Variants in ELOVL4 observed in about 807,000 individuals in gnomAD.
The protein encoded by ELOVL4 is ELOVL fatty acid elongase 4, also known as very long chain fatty acid elongase 4.
Under a neutral mutation model 42.1 loss-of-function variants are expected in ELOVL4, and 18 were observed. The ratio of observed to expected loss-of-function variants is 0.43; its 90% CI spans 0.30 to 0.63. The LOEUF is 0.63. Among genes scored for constraint, ELOVL4 ranks in the 30% least tolerant of loss-of-function variants. ELOVL4 has a pLI of 0.15. For synonymous variants in ELOVL4, 117 were observed against 127.0 expected, an observed-to-expected ratio of 0.92 and a Z score of 0.53; for missense variants, 299 against 376.2, an observed-to-expected ratio of 0.79 and a Z score of 1.70.
At chr6:79,943,126 GA>G (rs902083916) in intron 1 of ELOVL4, among the ~76,000 whole-genome samples, 3 of 151,892 alleles carry the variant, frequency 2.0e-5, no homozygotes, top group Non-Finnish European at 4.4e-5. Flanking sequence ...ACCTATTTTA[GA>G]TAATAACATA....
intron 2 of ELOVL4, among the ~76,000 whole-genome samples, chr6:79,925,384 C>G (rs1321867059): frequency 6.6e-6 from 1 of 152,136 alleles, no homozygotes; most frequent in Non-Finnish European, 1.5e-5. Context: ...TTGCATCTAA[C>G]AAATTAGGTA....
rs1195059234 is a variant in ELOVL4, at chr6:79,916,728, T to A, written c.825A>T (p.Lys275Asn). 1 of 1,614,208 alleles carries A rather than the reference T, an allele frequency of 6.2e-7. No individual in the cohort carries two copies. The highest frequency in any genetic ancestry group is 1.1e-5 in the South Asian group (1 of 91,080). Residue 275 changes from lysine to asparagine, a missense_variant, in exon 6 of 6, where the codon AAA (lysine) becomes AAT (asparagine). Lys to Asn is a moderately conservative substitution (Grantham distance 94). Transcript: ENST00000369816. ...FYIRTYKEPK[K>N]PKAGKTAMNG... ...TCATGGCTGTTTTTCCAGCTTTTGGTTTCTTAGGCTCTTTGTATGTCCGAA... is the reference window on the plus strand; with the variant it reads ...TCATGGCTGTTTTTCCAGCTTTTGGATTCTTAGGCTCTTTGTATGTCCGAA...
chr6:79,924,547 T>C (rs2127699040), intron 3 of ELOVL4, among the ~76,000 whole-genome samples: 1 of 152,236 alleles, frequency 6.6e-6, no homozygotes, highest in East Asian at 1.9e-4. Flanking sequence ...CATATTAAAG[T>C]ACATTTTGCC....
In ELOVL4 at chr6:79,916,578, C is replaced by T. The variant is rs771488579; in HGVS notation, c.*30G>A. ...TATATGATATGGGAGTTTTTCCTCA[C>T]TGTCAACAACAGTTAAGGCCCAGTT... On this transcript the variant is annotated 3_prime_UTR_variant, in exon 6 of 6. Coordinates refer to ENST00000369816, the MANE Select transcript of ELOVL4 (RefSeq NM_022726.4). 1 of 1,612,498 alleles carries T rather than the reference C, an allele frequency of 6.2e-7. No individual in the cohort carries two copies. Among genetic ancestry groups the T allele is most frequent in the Admixed American group, 1.7e-5 (1 of 60,010 alleles).
Position 79,922,922 on chromosome 6 carries a change from T to G in ELOVL4, c.370-1126A>C, listed in dbSNP as rs142163358. The stretch of plus-strand genomic sequence containing the variant: ...TTGAAAAATATCATTAAAAATGATA[T>G]GAATTGGTTGAAAATAAGCTTGAAA... On this transcript the variant is annotated intron_variant, in intron 3 of 5. Coordinates refer to ENST00000369816, the MANE Select transcript of ELOVL4 (RefSeq NM_022726.4). 5.7e-3 allele frequency among the ~76,000 whole-genome samples: 871 copies of G among 152,322 alleles called. 5 individuals are homozygous for G. The highest frequency in any genetic ancestry group is 0.02 in the African/African-American group (838 of 41,574).
chr6:79,916,929 A>T lies in ELOVL4; in HGVS notation c.670-46T>A, dbSNP rs889131266. 1.9e-6 allele frequency: 3 copies of T among 1,608,258 alleles called. No homozygotes were observed. In the African/African-American group the frequency reaches 4.0e-5, roughly 22 times the overall value. ...CACAAAACATTTAATCTGAATAGTA[A>T]ACAACTTTTAACAACATCGGCATCT... On this transcript the variant is annotated intron_variant, in intron 5 of 5. Coordinates refer to ENST00000369816, the MANE Select transcript of ELOVL4 (RefSeq NM_022726.4).
At chr6:79,917,123 C>A (rs542827157) in intron 5 of ELOVL4, among the ~76,000 whole-genome samples, 1 of 139,140 alleles carries the variant, frequency 7.2e-6, no homozygotes, top group Non-Finnish European at 1.5e-5. Context: ...AACCAAAGAG[C>A]TTTCTGCATT....
At chr6:79,945,407 T>TTG (rs1351987910) in intron 1 of ELOVL4, among the ~76,000 whole-genome samples, 3 of 152,130 alleles carry the variant, frequency 2.0e-5, no homozygotes, top group African/African-American at 7.2e-5. Context: ...CCTGTTTCAT[T>TTG]TGTGTGTGTG....
At chr6:79,928,230 T>C (rs1561986298) in intron 1 of ELOVL4, among the ~76,000 whole-genome samples, 1 of 152,140 alleles carries the variant, frequency 6.6e-6, no homozygotes. Flanking sequence ...CCACCAACTT[T>C]AAGGCAGGCG....
At chr6:79,935,721 G>A (rs556908552) in intron 1 of ELOVL4, among the ~76,000 whole-genome samples, 1 of 152,172 alleles carries the variant, frequency 6.6e-6, no homozygotes, top group Non-Finnish European at 1.5e-5. Flanking sequence ...CAAAATTCCT[G>A]TTAGGATAAA....
intron 1 of ELOVL4, among the ~76,000 whole-genome samples, chr6:79,939,398 T>G (rs1309911234): frequency 1.3e-5 from 2 of 152,126 alleles, no homozygotes; most frequent in Non-Finnish European, 2.9e-5. Flanking sequence ...AACTTTTCTA[T>G]CTTGAAAAAC....
rs1234596455 is a variant in ELOVL4, at chr6:79,926,334, G to A, written c.148C>T (p.Leu50=). 3.7e-6 allele frequency: 6 copies of A among 1,614,030 alleles called. No individual in the cohort carries two copies. In the Admixed American group the frequency reaches 1.0e-4, roughly 27 times the overall value. Residue 50 remains leucine, a synonymous_variant, in exon 2 of 6, where the codon CTA becomes TTA. Coordinates refer to ENST00000369816, the MANE Select transcript of ELOVL4 (RefSeq NM_022726.4). The part of the protein sequence containing the change: ...WPLMQSPWPT[L]SISTLYLLFV... ...AGGAGATAAAGAGTGCTTATACTTAGTGTAGGCCAAGGAGACTGCATCAGA... is the reference window on the plus strand; with the variant it reads ...AGGAGATAAAGAGTGCTTATACTTAATGTAGGCCAAGGAGACTGCATCAGA...
Position 79,947,282 on chromosome 6 carries a change from C to A in ELOVL4, c.-3G>T. On this transcript the variant is annotated 5_prime_UTR_variant, in exon 1 of 6. Coordinates refer to ENST00000369816, the MANE Select transcript of ELOVL4 (RefSeq NM_022726.4). ...GGCTCCGAGTCCAGGAGCCCCATCG[C>A]GGCGATGAGCGGGCGCTGGCGGCAG... is the stretch of plus-strand genomic sequence containing the variant. 1.9e-6 allele frequency: 3 copies of A among 1,609,980 alleles called. No homozygotes were observed. Among genetic ancestry groups the A allele is most frequent in the Non-Finnish European group, 2.5e-6 (3 of 1,177,570 alleles).
At chr6:79,922,276 C>T (rs1478596509) in intron 3 of ELOVL4, among the ~76,000 whole-genome samples, 1 of 152,098 alleles carries the variant, frequency 6.6e-6, no homozygotes, top group East Asian at 1.9e-4. Flanking sequence ...ACCTCCCTCT[C>T]TCCCTCACCT....
At chr6:79,939,358 A>T (rs1405323680) in intron 1 of ELOVL4, among the ~76,000 whole-genome samples, 1 of 152,114 alleles carries the variant, frequency 6.6e-6, no homozygotes. Context: ...CAGTATCATT[A>T]AGCATATCCA....
chr6:79,940,140 A>G (rs990003290), intron 1 of ELOVL4, among the ~76,000 whole-genome samples: 15 of 152,306 alleles, frequency 9.8e-5, no homozygotes, highest in Admixed American at 9.8e-4. Context: ...ATAAAAATGA[A>G]AACAGAAAAG....
At chr6:79,920,202 T>C (rs1774230920) in intron 4 of ELOVL4, among the ~76,000 whole-genome samples, 1 of 152,158 alleles carries the variant, frequency 6.6e-6, no homozygotes, top group South Asian at 2.1e-4. Flanking sequence ...CAATAATATA[T>C]GTATGAATTC....
At chr6:79,923,152 A>G (rs1774286298) in intron 3 of ELOVL4, among the ~76,000 whole-genome samples, 1 of 152,214 alleles carries the variant, frequency 6.6e-6, no homozygotes, top group Admixed American at 6.5e-5. Flanking sequence ...TGCAAACTGC[A>G]CTAGATATCT....
chr6:79,937,398 A>G (rs1774562401), intron 1 of ELOVL4, among the ~76,000 whole-genome samples: 1 of 152,194 alleles, frequency 6.6e-6, no homozygotes, highest in Non-Finnish European at 1.5e-5. Context: ...TGTAAAGGAG[A>G]AAAGACAGTT....
Sources: gnomAD v4.1 joint callset for allele counts (sites outside exome capture counted in the v4.1 genomes callset) on GRCh38, gnomAD v4.1.1 for gene constraint, MANE v1.5 for transcripts, NCBI Gene and HGNC (gene_info 2026-07-23, HGNC 2026-07-21) for gene names.